Variants in LRRC49 observed in about 807,000 individuals in gnomAD.
LRRC49 encodes the protein leucine-rich repeat-containing protein 49.
In LRRC49, 50 loss-of-function variants were observed where a neutral mutation model predicts 83.3. That is an observed-to-expected ratio of 0.60 (90% confidence interval 0.48 to 0.76). The LOEUF (loss-of-function observed/expected upper bound fraction) is 0.76. LRRC49 is among the 30% of genes least tolerant of loss of function. The pLI, the probability that LRRC49 is intolerant of heterozygous loss-of-function variation, is 0.00. For missense variants in LRRC49, 704 were observed against 809.1 expected (o/e 0.87, Z 1.58); for synonymous variants, 286 against 283.3 (o/e 1.01, Z -0.10).
At chr15:70,979,988 G>A in intron 9 of LRRC49, 113 bp from the exon 10 acceptor site, 1 of 581,472 alleles carries the variant, frequency 1.7e-6, no homozygotes, top group Non-Finnish European at 3.0e-6. Flanking sequence ...TATATTTTCT[G>A]CTAGTAAATA....
chr15:70,900,799 A>G (rs2141107191), intron 3 of LRRC49, 123 bp from the exon 4 acceptor site: 2 of 646,726 alleles, frequency 3.1e-6, no homozygotes, highest in Non-Finnish European at 5.5e-6. Flanking sequence ...ATGGAGAGCT[A>G]TGGAAACTAT....
intron 8 of LRRC49, among the ~76,000 whole-genome samples, chr15:70,945,857 A>G (rs2035990207): frequency 6.6e-6 from 1 of 152,194 alleles, no homozygotes; most frequent in Admixed American, 6.5e-5. Context: ...AAGGTATCAC[A>G]GTGACTTAAT....
At chr15:70,954,139 C>T (rs2036316869) in intron 8 of LRRC49, among the ~76,000 whole-genome samples, 1 of 152,210 alleles carries the variant, frequency 6.6e-6, no homozygotes, top group Admixed American at 6.5e-5. Flanking sequence ...AGATGATCCA[C>T]CTGCCTTGGC....
At chr15:70,856,815 A>G (rs577245579) in intron 1 of LRRC49, among the ~76,000 whole-genome samples, 1 of 152,240 alleles carries the variant, frequency 6.6e-6, no homozygotes, top group African/African-American at 2.4e-5. Context: ...ATCTAGGAAC[A>G]CTTGCTGATT....
intron 12 of LRRC49, 65 bp from the exon 13 acceptor site, chr15:71,009,742 A>G: frequency 9.1e-7 from 1 of 1,093,412 alleles, no homozygotes; most frequent in South Asian, 1.7e-5. Context: ...GTGAAGCTTT[A>G]ATGTTAATAT....
chr15:70,979,739 T>C (rs2037332991), intron 9 of LRRC49, among the ~76,000 whole-genome samples: 1 of 152,142 alleles, frequency 6.6e-6, no homozygotes, highest in Admixed American at 6.6e-5. Flanking sequence ...ATGTATCACT[T>C]TTATCCTTCT....
intron 9 of LRRC49, among the ~76,000 whole-genome samples, chr15:70,970,968 T>C (rs2141208669): frequency 6.6e-6 from 1 of 152,292 alleles, no homozygotes; most frequent in Non-Finnish European, 1.5e-5. Context: ...GAAGGGTCAT[T>C]CGTTCTCTAT....
At chr15:70,872,336 A>C (rs1424740082) in intron 1 of LRRC49, among the ~76,000 whole-genome samples, 1 of 149,202 alleles carries the variant, frequency 6.7e-6, no homozygotes, top group African/African-American at 2.4e-5. Flanking sequence ...GTGAACCGAG[A>C]TTGCGGCAGC....
chr15:70,866,387 C>T (rs932561489), intron 1 of LRRC49, among the ~76,000 whole-genome samples: 3 of 152,154 alleles, frequency 2.0e-5, no homozygotes, highest in Middle Eastern at 3.4e-3. Context: ...TCTCGTGATC[C>T]GCCCGCTTCA....
In LRRC49 at chr15:70,885,508, C is replaced by T. The variant is rs547708127; in HGVS notation, c.19-8076C>T. Among the ~76,000 whole-genome samples, 3 of 152,202 alleles carry T rather than the reference C, an allele frequency of 2.0e-5. No homozygotes were observed. The East Asian group carries it at 5.8e-4, about 29-fold the overall frequency. On this transcript the variant is annotated intron_variant, in intron 2 of 16. Coordinates refer to the LRRC49 transcript ENST00000544974. Reference sequence around the variant, plus strand: ...AGGAAAAAAGATACATTCTCTTCAGCGGGGTAACCATAGGACAGAATAATG... The same window carrying T: ...AGGAAAAAAGATACATTCTCTTCAGTGGGGTAACCATAGGACAGAATAATG...
In LRRC49 at chr15:70,892,902, C is replaced by T; in HGVS notation, c.8C>T (p.Pro3Leu). Reference protein sequence around the residue: MIPGKYRSVSGRA... With the variant: MILGKYRSVSGRA... ...CCTGGACTGTCTCCTATCATGATTCCCGGGAAATATCGCTCTGTTTCTGGC... is the reference window on the plus strand; with the variant it reads ...CCTGGACTGTCTCCTATCATGATTCTCGGGAAATATCGCTCTGTTTCTGGC... The change falls in exon 1 of 16, where the codon CCC (proline) becomes CTC (leucine). Residue 3 changes from proline (P) to leucine (L), a missense_variant. Coordinates refer to ENST00000260382, the MANE Select transcript of LRRC49 (RefSeq NM_017691.5). The T allele has an allele frequency of 6.2e-7, 1 of 1,614,216 alleles. No individual in the cohort carries two copies. The highest frequency in any genetic ancestry group is 8.5e-7 in the Non-Finnish European group (1 of 1,180,042).
rs768415339 is a variant in LRRC49 at position 70,873,267 on chromosome 15, T to C, written c.18+44T>C. On this transcript the variant is annotated intron_variant, in intron 2 of 16. Coordinates refer to the LRRC49 transcript ENST00000544974. ...TTGACATAATTTTGTATAACAATTA[T>C]ACTCTGCTATCCCCTCACTGAACTA... 5.2e-5 allele frequency: 80 copies of C among 1,525,270 alleles called. 1 individual carries two copies. In the Middle Eastern group the frequency reaches 4.5e-3, roughly 86 times the overall value. The allele number at this position is 1,525,270 out of a possible 1,614,324, so 94.5% of individuals were successfully genotyped here.
intron 11 of LRRC49, among the ~76,000 whole-genome samples, chr15:70,989,261 C>G (rs1033234719): frequency 1.3e-5 from 2 of 152,188 alleles, no homozygotes; most frequent in Non-Finnish European, 2.9e-5. Context: ...CTCCCCATCA[C>G]TTTCAGGTAC....
Position 70,987,932 on chromosome 15 carries a change from G to A in LRRC49, c.1169+3675G>A, listed in dbSNP as rs548521859. Among the ~76,000 whole-genome samples, 15 of 152,270 alleles carry A rather than the reference G, an allele frequency of 9.9e-5. No individual in the cohort carries two copies. The South Asian group carries it at 3.1e-3, about 32-fold the overall frequency. On this transcript the variant is annotated intron_variant, in intron 11 of 15. Coordinates refer to ENST00000260382, the MANE Select transcript of LRRC49 (RefSeq NM_017691.5). ...CAGGAGCAGGTTGTTCAGTTTCCATGTAGTTGAGCGGTTTTGAGTGAGTTT... is the reference window on the plus strand; with the variant it reads ...CAGGAGCAGGTTGTTCAGTTTCCATATAGTTGAGCGGTTTTGAGTGAGTTT...
rs1176483772 is a variant in LRRC49 at position 70,959,488 on chromosome 15, TGAAA to T, written c.774-4287_774-4284del. 4.0e-5 allele frequency among the ~76,000 whole-genome samples: 5 copies of T among 123,894 alleles called. No individual in the cohort carries two copies. The East Asian group carries it at 9.3e-4, about 23-fold the overall frequency. 81.3% of individuals were successfully genotyped at this position (123,894 alleles called of 152,430 possible). A position where few individuals can be genotyped will look rare whatever the true frequency, so the allele number is the denominator to read the frequency against. On this transcript the variant is annotated intron_variant, in intron 8 of 15. Coordinates refer to ENST00000260382, the MANE Select transcript of LRRC49 (RefSeq NM_017691.5). Reference sequence around the variant, plus strand: ...TCTGGGCAACTAGAGCAAAACTCCATGAAAGAAAGAAAGGAAGGAAGGAGGGAGG... The same window carrying T: ...TCTGGGCAACTAGAGCAAAACTCCATGAAAGAAAGGAAGGAAGGAGGGAGG...
intron 4 of LRRC49, among the ~76,000 whole-genome samples, chr15:70,904,288 T>C (rs1211248533): frequency 3.3e-5 from 5 of 152,202 alleles, no homozygotes; most frequent in African/African-American, 9.6e-5. Flanking sequence ...CAATTTCATG[T>C]GAAATAACTT....
chr15:70,924,031 A>G (rs1385016921), intron 7 of LRRC49, among the ~76,000 whole-genome samples: 1 of 151,958 alleles, frequency 6.6e-6, no homozygotes, highest in African/African-American at 2.4e-5. Flanking sequence ...TGTTCTTTAT[A>G]GCAAAAGAAA....
rs1774401474 is a variant in LRRC49, at chr15:71,052,586, T to C, written c.*2974T>C. The C allele has an allele frequency of 6.6e-6, 1 of 152,240 alleles. No homozygotes were observed. The highest frequency in any genetic ancestry group is 2.4e-5 in the African/African-American group (1 of 41,464). 9.4% of individuals were successfully genotyped at this position (152,240 alleles called of 1,614,324 possible). The stretch of plus-strand genomic sequence containing the variant: ...ATTCCTGATTGGGCAAGGAATGCAC[T>C]GGGATTCATATTCTCTTCAATGAGT... On this transcript the variant is annotated 3_prime_UTR_variant, in exon 16 of 16. Transcript: ENST00000260382.
intron 5 of LRRC49, among the ~76,000 whole-genome samples, chr15:70,907,097 G>A (rs2034346071): frequency 6.6e-6 from 1 of 152,228 alleles, no homozygotes; most frequent in Non-Finnish European, 1.5e-5. Flanking sequence ...ATGGAAATCT[G>A]TCCTGGGTTA....
Sources: allele counts gnomAD v4.1 joint callset (sites outside exome capture counted in the v4.1 genomes callset), GRCh38; gene constraint gnomAD v4.1.1; transcripts MANE v1.5; gene names NCBI Gene and HGNC (gene_info 2026-07-23, HGNC 2026-07-21).